Variants in DMD observed in about 807,000 individuals in gnomAD.
DMD encodes the protein mutant dystrophin.
A neutral mutation model predicts 330.1 loss-of-function variants in DMD; 63 were observed. That is an observed-to-expected ratio of 0.19 (90% CI 0.16 to 0.24). DMD has a LOEUF of 0.24. DMD is among the 10% of genes least tolerant of loss of function. The probability of loss-of-function intolerance (pLI) is 1.00; values close to 1 mark genes in which losing one functional copy is unlikely to be tolerated. For missense variants in DMD, 3,344 were observed against 2,684.1 expected (o/e 1.25, Z -5.43); for synonymous variants, 1,223 against 959.8 (o/e 1.27, Z -5.07).
chrX:31,996,106 G>GCTGCGACAACAGTCC (rs1160071997), intron 44 of DMD, among the ~76,000 whole-genome samples: 12 of 111,864 alleles, frequency 1.1e-4, no homozygotes, highest in African/African-American at 3.9e-4. Flanking sequence ...TGGCTTTATA[G>GCTGCGACAACAGTCC]CTGCGAAGGG....
chrX:31,479,773 C>T (rs1251879499), intron 57 of DMD, among the ~76,000 whole-genome samples: 2 of 112,149 alleles, frequency 1.8e-5, no homozygotes, highest in African/African-American at 6.5e-5. Context: ...AATCTGTAAT[C>T]TTCCTTTATC....
chrX:32,251,096 G>C (rs6653581), intron 43 of DMD, among the ~76,000 whole-genome samples: 8 of 109,714 alleles, frequency 7.3e-5, no homozygotes, highest in African/African-American at 2.3e-4. Context: ...TGTAGATGAC[G>C]GGTTGATGGG....
intron 43 of DMD, among the ~76,000 whole-genome samples, chrX:32,228,790 T>C (rs1186875899): frequency 9.0e-6 from 1 of 111,645 alleles, no homozygotes; most frequent in Non-Finnish European, 1.9e-5. Flanking sequence ...AGGGGATATT[T>C]GAAATAATGA....
intron 1 of DMD, among the ~76,000 whole-genome samples, chrX:33,314,116 C>A (rs2053891247): frequency 9.3e-6 from 1 of 107,012 alleles, no homozygotes; most frequent in African/African-American, 3.4e-5. Flanking sequence ...TACACACGCA[C>A]ACACACACAC....
intron 16 of DMD, among the ~76,000 whole-genome samples, chrX:32,548,640 A>G (rs773585924): frequency 1.8e-4 from 20 of 111,850 alleles, no homozygotes; most frequent in Non-Finnish European, 2.8e-4. Context: ...AAAGTAGAGA[A>G]AATTTCTGTT....
chrX:33,120,751 T>G (rs775598420), intron 1 of DMD, among the ~76,000 whole-genome samples: 9 of 108,315 alleles, frequency 8.3e-5, no homozygotes, highest in Admixed American at 2.0e-4. Context: ...TGTGGTGGCG[T>G]GTGCCTATAA....
chrX:32,186,319 C>T (rs2096946927), intron 44 of DMD, among the ~76,000 whole-genome samples: 1 of 111,242 alleles, frequency 9.0e-6, no homozygotes, highest in South Asian at 3.7e-4. Context: ...GTCACTTTTA[C>T]TCACTGTAAT....
At chrX:32,056,919 C>T (rs191244566) in intron 44 of DMD, among the ~76,000 whole-genome samples, 10 of 110,994 alleles carry the variant, frequency 9.0e-5, no homozygotes, top group African/African-American at 1.3e-4. Context: ...GGATTATACA[C>T]GAGAGCCATA....
chrX:31,913,960 A>C (rs1485530411), intron 47 of DMD, among the ~76,000 whole-genome samples: 1 of 112,291 alleles, frequency 8.9e-6, no homozygotes, highest in African/African-American at 3.2e-5. Flanking sequence ...GGACTGCGTC[A>C]GATCCACCCG....
chrX:31,948,019 C>G (rs1394123108), intron 45 of DMD, among the ~76,000 whole-genome samples: 1 of 111,054 alleles, frequency 9.0e-6, no homozygotes, highest in African/African-American at 3.3e-5. Flanking sequence ...AACAGCAACT[C>G]CCAGTTCCCC....
At chrX:32,725,520 GACAAAA>G (rs1006945262) in intron 7 of DMD, among the ~76,000 whole-genome samples, 1 of 110,396 alleles carries the variant, frequency 9.1e-6, no homozygotes, top group Non-Finnish European at 1.9e-5. Context: ...CAGATTTCAA[GACAAAA>G]ACAAAGAGTC....
At chrX:32,987,568 A>C (rs1456220607) in intron 2 of DMD, among the ~76,000 whole-genome samples, 1 of 111,374 alleles carries the variant, frequency 9.0e-6, no homozygotes, top group Admixed American at 9.7e-5. Context: ...ATTCCATGTT[A>C]ACCCACAACA....
At chrX:33,324,240 C>G (rs749095175) in intron 1 of DMD, among the ~76,000 whole-genome samples, 1 of 110,642 alleles carries the variant, frequency 9.0e-6, no homozygotes, top group Admixed American at 9.7e-5. Context: ...GAAAAGAACA[C>G]CAGTACAGTG....
At chrX:32,752,132 G>A (rs1035259911) in intron 7 of DMD, among the ~76,000 whole-genome samples, 1 of 111,881 alleles carries the variant, frequency 8.9e-6, no homozygotes, top group African/African-American at 3.3e-5. Context: ...GTCTATTAGA[G>A]CCATGAAAAG....
chrX:32,368,516 T>G (rs960161631), intron 34 of DMD, among the ~76,000 whole-genome samples: 2 of 111,665 alleles, frequency 1.8e-5, no homozygotes, highest in African/African-American at 3.2e-5. Context: ...TACTGTAAAC[T>G]AAAAGAATAC....
intron 43 of DMD, among the ~76,000 whole-genome samples, chrX:32,242,669 C>T (rs1436353541): frequency 1.8e-5 from 2 of 111,280 alleles, no homozygotes; most frequent in Non-Finnish European, 1.9e-5. Context: ...TATAAAATCA[C>T]ATGGAACATT....
At chrX:33,285,976 A>G (rs948672692) in intron 1 of DMD, among the ~76,000 whole-genome samples, 1 of 112,240 alleles carries the variant, frequency 8.9e-6, no homozygotes, top group Non-Finnish European at 1.9e-5. Flanking sequence ...TATTTACAAG[A>G]TGACTTAAAA....
intron 62 of DMD, among the ~76,000 whole-genome samples, chrX:31,321,027 T>G: frequency 9.0e-6 from 1 of 111,490 alleles, no homozygotes; most frequent in South Asian, 3.8e-4. Flanking sequence ...TAAAGAGGTG[T>G]GTGGTGAAAT....
At chrX:31,627,292 TAAAAC>T (rs2078899936) in intron 55 of DMD, among the ~76,000 whole-genome samples, 1 of 112,900 alleles carries the variant, frequency 8.9e-6, no homozygotes. Flanking sequence ...CAACGCTAAA[TAAAAC>T]AGACAATTCA....
Sources: allele counts gnomAD v4.1 joint callset (sites outside exome capture counted in the v4.1 genomes callset), GRCh38; gene constraint gnomAD v4.1.1; transcripts MANE v1.5; gene names NCBI Gene and HGNC (gene_info 2026-07-23, HGNC 2026-07-21).